Variants in ARL13A observed in about 807,000 individuals in gnomAD.
The protein encoded by ARL13A is ARF like GTPase 13A, also known as ADP-ribosylation factor-like protein 13A.
Under a neutral mutation model 19.1 loss-of-function variants are expected in ARL13A, and 16 were observed. The observed-to-expected ratio is 0.84, with a 90% CI of 0.57 to 1.27. The LOEUF (loss-of-function observed/expected upper bound fraction) is 1.27. Among genes scored for constraint, ARL13A ranks in the 50% most tolerant of loss-of-function variants. The probability of loss-of-function intolerance (pLI) is 0.00; values close to 1 mark genes in which losing one functional copy is unlikely to be tolerated. For synonymous variants in ARL13A, 69 were observed against 71.3 expected, an observed-to-expected ratio of 0.97 and a Z score of 0.17; for missense variants, 153 against 186.4, an observed-to-expected ratio of 0.82 and a Z score of 1.04.
intron 1 of ARL13A, among the ~76,000 whole-genome samples, chrX:100,970,634 G>A (rs866680245): frequency 2.7e-5 from 3 of 110,713 alleles, no homozygotes; most frequent in African/African-American, 9.9e-5. Flanking sequence ...TTGGCACTGC[G>A]AAACCCATGT....
chrX:100,975,959 T>A (rs2085756097), intron 3 of ARL13A, among the ~76,000 whole-genome samples: 2 of 111,343 alleles, frequency 1.8e-5, no homozygotes, highest in Admixed American at 9.6e-5. Context: ...CTATAACAAC[T>A]TCCTCTGTCC....
Position 100,987,497 on chromosome X carries a change from C to A in ARL13A, c.594C>A (p.Thr198=). 1 of 1,211,346 alleles carries A rather than the reference C, an allele frequency of 8.3e-7. No homozygotes were observed. The highest frequency in any genetic ancestry group is 1.1e-6 in the Non-Finnish European group (1 of 895,398). The change falls in exon 6 of 8, where the codon ACC becomes ACA. Residue 198 remains threonine, a synonymous_variant. Transcript: ENST00000450049. The part of the protein sequence containing the change: ...AVIDTCQLPP[T]SSISISKNNT... ...TTGATACTTGCCAACTACCACCTAC[C>A]TCGAGCATCTCAATCTCCAAGAATA... is the stretch of plus-strand genomic sequence containing the variant.
chrX:100,986,962 C>T, intron 5 of ARL13A, 61 bp downstream of exon 5: 4 of 798,043 alleles, frequency 5.0e-6, no homozygotes, highest in Non-Finnish European at 7.2e-6. Flanking sequence ...GCCCTTGGCC[C>T]ATTCTATAGT....
rs2085916509 is a variant in ARL13A at position 100,985,015 on chromosome X, T to C, written c.131-652T>C. 3.6e-5 allele frequency among the ~76,000 whole-genome samples: 4 copies of C among 112,371 alleles called. No individual in the cohort carries two copies. In the Admixed American group the frequency reaches 3.8e-4, roughly 11 times the overall value. The stretch of plus-strand genomic sequence containing the variant: ...AACACTGTAATATGTGCTATGACAA[T>C]GGTAAACTCAGAAGAAAGGTACCTT... On this transcript the variant is annotated intron_variant, in intron 3 of 7. Coordinates refer to ENST00000450049, the MANE Select transcript of ARL13A (RefSeq NM_001162491.2).
intron 7 of ARL13A, among the ~76,000 whole-genome samples, chrX:100,988,890 T>G (rs1171734551): frequency 2.1e-5 from 2 of 96,438 alleles, no homozygotes; most frequent in Non-Finnish European, 4.1e-5. Context: ...ATCAAGAATT[T>G]AAAAACATGA....
At position 100,988,193 on chromosome X, in the gene ARL13A, CT is replaced by C. The variant is rs1483385754; in HGVS notation, c.656del (p.Phe219SerfsTer15). The stretch of plus-strand genomic sequence containing the variant: ...TGCTGTCCTTTCCATCTTCCACCAG[CT>C]TCTCCACCAGAACAGGAATGTCAAA... ...GSGERCSSHS[F>X]STRTGMSKEK... On this transcript the variant is annotated frameshift_variant and splice_region_variant, in exon 7 of 8. Transcript: ENST00000450049. LOFTEE classifies it high-confidence loss of function. The C allele has an allele frequency of 4.6e-5, 55 of 1,202,148 alleles. No homozygotes were observed. Among genetic ancestry groups the C allele is most frequent in the Non-Finnish European group, 5.6e-5 (50 of 890,188 alleles).
At chrX:100,984,083 T>G (rs1308097897) in intron 3 of ARL13A, among the ~76,000 whole-genome samples, 3 of 109,752 alleles carry the variant, frequency 2.7e-5, no homozygotes, top group Non-Finnish European at 5.7e-5. Context: ...TAAAGGCTGC[T>G]GTTTTCCATT....
Position 100,987,373 on chromosome X carries a change from CTT to C in ARL13A, c.487-16_487-15del. ...CCAGGCTCCAGGTCTGCAGCCTTCT[CTT>C]CTCTTTTGTCACAGGAGCCATGTTC... On this transcript the variant is annotated splice_polypyrimidine_tract_variant and intron_variant, in intron 5 of 7. Transcript: ENST00000450049. The C allele has an allele frequency of 1.7e-6, 2 of 1,208,120 alleles. No homozygotes were observed. The highest frequency in any genetic ancestry group is 2.2e-6 in the Non-Finnish European group (2 of 894,684).
intron 3 of ARL13A, 77 bp downstream of exon 3, chrX:100,974,274 C>T (rs2085726210): frequency 5.1e-6 from 4 of 791,002 alleles, no homozygotes; most frequent in East Asian, 7.0e-5. Flanking sequence ...TCCTTCCTTC[C>T]TAGCATTACT....
At chrX:100,982,223 G>GA (rs2085867701) in intron 3 of ARL13A, among the ~76,000 whole-genome samples, 1 of 111,236 alleles carries the variant, frequency 9.0e-6, no homozygotes, top group East Asian at 2.8e-4. Context: ...GGGTGTGGTA[G>GA]CTCACGCCTG....
intron 1 of ARL13A, among the ~76,000 whole-genome samples, chrX:100,972,513 C>T (rs1295997705): frequency 4.9e-5 from 4 of 82,199 alleles, no homozygotes; most frequent in Admixed American, 1.2e-4. Context: ...CCCTCCCGGA[C>T]GGGGCGGCTG....
chrX:100,971,559 C>G (rs2085648575), intron 1 of ARL13A, among the ~76,000 whole-genome samples: 1 of 88,309 alleles, frequency 1.1e-5, no homozygotes, highest in African/African-American at 5.4e-5. Context: ...TGAGAATAAC[C>G]AGTTCCTCCT....
At chrX:100,973,265 G>A (rs1602437530) in intron 1 of ARL13A, among the ~76,000 whole-genome samples, 1 of 72,556 alleles carries the variant, frequency 1.4e-5, no homozygotes, top group East Asian at 4.6e-4. Flanking sequence ...TCACATCCCA[G>A]ACGATGGGCG....
intron 6 of ARL13A, 52 bp downstream of exon 6, chrX:100,987,608 G>C (rs1427545872): frequency 1.7e-6 from 2 of 1,173,138 alleles, no homozygotes; most frequent in South Asian, 1.9e-5. Flanking sequence ...GCAGGGATCA[G>C]TCTTTCTCAC....
At chrX:100,970,218 T>C (rs2085638329) in intron 1 of ARL13A, among the ~76,000 whole-genome samples, 1 of 112,842 alleles carries the variant, frequency 8.9e-6, no homozygotes, top group Admixed American at 9.3e-5. Flanking sequence ...AAGGCTGGTT[T>C]TGATCACAGG....
chrX:100,983,513 C>T (rs995790458), intron 3 of ARL13A, among the ~76,000 whole-genome samples: 3 of 110,141 alleles, frequency 2.7e-5, no homozygotes, highest in Non-Finnish European at 3.8e-5. Flanking sequence ...CCCGCCACCA[C>T]GCCTGGCTAA....
chrX:100,974,246 C>A, intron 3 of ARL13A, 49 bp downstream of exon 3: 1 of 964,967 alleles, frequency 1.0e-6, no homozygotes, highest in Non-Finnish European at 1.4e-6. Flanking sequence ...CCATGGACCC[C>A]AGAATCCAGT....
At chrX:100,989,625 G>C (rs1469938116) in intron 7 of ARL13A, among the ~76,000 whole-genome samples, 6 of 107,393 alleles carry the variant, frequency 5.6e-5, no homozygotes, top group Non-Finnish European at 9.7e-5. Context: ...AAAAAAAAAA[G>C]ACATTTTCTT....
chrX:100,982,929 T>G (rs1174837124), intron 3 of ARL13A, among the ~76,000 whole-genome samples: 1 of 110,778 alleles, frequency 9.0e-6, no homozygotes, highest in Admixed American at 9.7e-5. Context: ...CCTCAGGATT[T>G]TGTTAACCAT....
Sources: gnomAD v4.1 joint callset for allele counts (sites outside exome capture counted in the v4.1 genomes callset) on GRCh38, gnomAD v4.1.1 for gene constraint, MANE v1.5 for transcripts, NCBI Gene and HGNC (gene_info 2026-07-23, HGNC 2026-07-21) for gene names.